The following PCNX1 variants were observed in gnomAD, a reference collection of about 807,000 sequenced individuals.
The protein encoded by PCNX1 is pecanex 1, also known as pecanex-like protein 1.
Under a neutral mutation model 242.2 loss-of-function variants are expected in PCNX1, and 78 were observed. That is an observed-to-expected ratio of 0.32 (90% CI 0.27 to 0.39). The LOEUF (loss-of-function observed/expected upper bound fraction) is 0.39. Among genes scored for constraint, PCNX1 ranks in the 10% least tolerant of loss-of-function variants. PCNX1 has a pLI of 1.00. For missense variants in PCNX1, 2,581 were observed against 2,856.5 expected (o/e 0.90, Z 2.20); for synonymous variants, 1,024 against 1,032.9 (o/e 0.99, Z 0.17).
intron 10 of PCNX1, chr14:71,012,100 T>C (rs1352992263): frequency 1.3e-5 from 2 of 153,284 alleles, no homozygotes; most frequent in Admixed American, 1.3e-4. Flanking sequence ...AAGTTAAATA[T>C]AGTATAGTAA....
chr14:70,953,660 CTTTCTT>C (rs1280329264), intron 2 of PCNX1, among the ~76,000 whole-genome samples: 6 of 100,940 alleles, frequency 5.9e-5, no homozygotes, highest in South Asian at 3.8e-4. Context: ...GTGTTTTTTT[CTTTCTT>C]TTTTTTTTTT....
chr14:71,099,454 G>A (rs894777813), intron 30 of PCNX1, among the ~76,000 whole-genome samples: 20 of 151,612 alleles, frequency 1.3e-4, no homozygotes, highest in East Asian at 1.2e-3. Context: ...CACCACGCCC[G>A]GCCTATTTTG....
chr14:71,027,686 A>G lies in PCNX1; in HGVS notation c.3466+804A>G, dbSNP rs2060275225. Among the ~76,000 whole-genome samples, 3 of 152,028 alleles carry G rather than the reference A, an allele frequency of 2.0e-5. No individual in the cohort carries two copies. In the South Asian group the frequency reaches 6.2e-4, roughly 31 times the overall value. On this transcript the variant is annotated intron_variant, in intron 15 of 35. Transcript: ENST00000304743. ...AATCCTCTCTGCTGATAAAATGTCA[A>G]TATTATGGCTTTCATTTTAAATAGA...
At chr14:70,958,924 T>A (rs1004078678) in intron 2 of PCNX1, among the ~76,000 whole-genome samples, 2 of 141,088 alleles carry the variant, frequency 1.4e-5, no homozygotes, top group African/African-American at 2.6e-5. Flanking sequence ...TTTTTTTTTT[T>A]ACATAATCAG....
chr14:70,918,672 T>A (rs1300626071), intron 1 of PCNX1, among the ~76,000 whole-genome samples: 10 of 152,184 alleles, frequency 6.6e-5, no homozygotes, highest in Admixed American at 6.5e-4. Flanking sequence ...ACCATAAAGC[T>A]AAGCACAACA....
intron 1 of PCNX1, among the ~76,000 whole-genome samples, chr14:70,927,202 G>C (rs2056625816): frequency 6.6e-6 from 1 of 152,186 alleles, no homozygotes; most frequent in South Asian, 2.1e-4. Flanking sequence ...TTCCTTAGTA[G>C]AATATCTGAG....
At position 71,073,671 on chromosome 14, in the gene PCNX1, G is replaced by A. The variant is rs568989925; in HGVS notation, c.4979G>A (p.Arg1660Gln). 44 of 1,614,066 alleles carry A rather than the reference G, an allele frequency of 2.7e-5. No individual in the cohort carries two copies. The South Asian group carries it at 4.4e-4, about 16-fold the overall frequency. The change falls in exon 27 of 36, where the codon CGA becomes CAA. Residue 1660 changes from arginine to glutamine, a missense_variant. Arg to Gln is a conservative substitution (Grantham distance 43). Transcript: ENST00000304743. ...MLSFNAAFSQ[R>Q]WLAWEVIVTK... The stretch of plus-strand genomic sequence containing the variant: ...TCATTTAATGCTGCATTTAGCCAGC[G>A]ATGGCTAGCTTGGGAAGTGATAGTC...
chr14:70,964,434 C>G (rs1200839102), intron 3 of PCNX1, among the ~76,000 whole-genome samples: 1 of 152,112 alleles, frequency 6.6e-6, no homozygotes, highest in Non-Finnish European at 1.5e-5. Context: ...TATCCTTGAT[C>G]CTGTTTTTTT....
At chr14:71,021,899 T>G (rs772930706) in intron 12 of PCNX1, among the ~76,000 whole-genome samples, 2 of 152,168 alleles carry the variant, frequency 1.3e-5, no homozygotes, top group Non-Finnish European at 2.9e-5. Flanking sequence ...ATCTTCTCGG[T>G]TTACAGTTCC....
intron 1 of PCNX1, among the ~76,000 whole-genome samples, chr14:70,924,143 G>A (rs1459439552): frequency 6.7e-6 from 1 of 150,132 alleles, no homozygotes; most frequent in Non-Finnish European, 1.5e-5. Flanking sequence ...GAGGTGGGAG[G>A]ATTGACTGAG....
chr14:70,930,259 C>T lies in PCNX1; in HGVS notation c.154-16656C>T, dbSNP rs117881160. On this transcript the variant is annotated intron_variant, in intron 1 of 35. Coordinates refer to ENST00000304743, the MANE Select transcript of PCNX1 (RefSeq NM_014982.3). ...CTTTTGGGCTCAAGCAGTCCTACCA[C>T]CTCAGCCTTCCAAAGAGCTGGGGCT... 5.7e-3 allele frequency among the ~76,000 whole-genome samples: 874 copies of T among 152,282 alleles called. 9 individuals are homozygous for T. Among genetic ancestry groups the T allele is most frequent in the Non-Finnish European group, 0.01 (695 of 68,028 alleles).
At chr14:70,924,231 CAAAAAAA>C (rs60333920) in intron 1 of PCNX1, among the ~76,000 whole-genome samples, 5 of 98,008 alleles carry the variant, frequency 5.1e-5, no homozygotes, top group South Asian at 3.2e-4. Context: ...GAGACTGTCT[CAAAAAAA>C]AAAAAAAAAA....
rs35068772 is a variant in PCNX1 at position 70,994,396 on chromosome 14, G to GATATATATATATATATAT, written c.2445-1328_2445-1311dup. On this transcript the variant is annotated intron_variant, in intron 7 of 35. Coordinates refer to ENST00000304743, the MANE Select transcript of PCNX1 (RefSeq NM_014982.3). ...TCTATTATCATAACCACAGGCTTAA[G>GATATATATATATATATAT]ATATATATATATATATATATATATA... Among the ~76,000 whole-genome samples, 518 of 96,738 alleles carry GATATATATATATATATAT rather than the reference G, an allele frequency of 5.4e-3. 17 individuals carry two copies. The highest frequency in any genetic ancestry group is 0.011 in the Middle Eastern group (2 of 184). 63.5% of individuals were successfully genotyped at this position (96,738 alleles called of 152,430 possible). A position where few individuals can be genotyped will look rare whatever the true frequency, so the allele number is the denominator to read the frequency against.
intron 20 of PCNX1, 107 bp downstream of exon 20, chr14:71,045,390 G>A: frequency 2.4e-6 from 2 of 821,920 alleles, no homozygotes; most frequent in South Asian, 3.7e-5. Context: ...CATTTGGCTT[G>A]TGTTTCTTTT....
chr14:71,069,491 A>T lies in PCNX1; in HGVS notation c.4853-4054A>T, dbSNP rs372218537. On this transcript the variant is annotated intron_variant, in intron 26 of 35. Transcript: ENST00000304743. Reference sequence around the variant, plus strand: ...TATTGCATATGTTTTTATTATGTTGAAAAACATGTGTATGTATTACTGGCA... The same window carrying T: ...TATTGCATATGTTTTTATTATGTTGTAAAACATGTGTATGTATTACTGGCA... Among the ~76,000 whole-genome samples the T allele has an allele frequency of 2.6e-5, 4 of 152,346 alleles. No homozygotes were observed. In the East Asian group the frequency reaches 5.8e-4, roughly 22 times the overall value.
intron 21 of PCNX1, 60 bp from the exon 22 acceptor site, chr14:71,047,747 G>A (rs1483360895): frequency 7.3e-7 from 1 of 1,360,784 alleles, no homozygotes; most frequent in Non-Finnish European, 1.0e-6. Flanking sequence ...TTTATTTTAA[G>A]TTACTGTCTC....
At chr14:70,968,283 CT>C in intron 4 of PCNX1, 40 bp downstream of exon 4, 3 of 1,464,622 alleles carry the variant, frequency 2.0e-6, no homozygotes, top group Non-Finnish European at 9.6e-7. Context: ...CTGCCTTTCC[CT>C]TTCATTTTGG....
At chr14:71,072,697 C>G (rs1255861553) in intron 26 of PCNX1, among the ~76,000 whole-genome samples, 1 of 152,124 alleles carries the variant, frequency 6.6e-6, no homozygotes, top group African/African-American at 2.4e-5. Flanking sequence ...ACTTTATAGT[C>G]TTTACATAAT....
chr14:70,998,884 A>G (rs1400707820), intron 8 of PCNX1, among the ~76,000 whole-genome samples: 3 of 152,058 alleles, frequency 2.0e-5, no homozygotes, highest in Non-Finnish European at 2.9e-5. Flanking sequence ...TTGGAAGTTA[A>G]TATCTTTGGA....
Sources: gnomAD v4.1 joint callset for allele counts (sites outside exome capture counted in the v4.1 genomes callset) on GRCh38, gnomAD v4.1.1 for gene constraint, MANE v1.5 for transcripts, NCBI Gene and HGNC (gene_info 2026-07-23, HGNC 2026-07-21) for gene names.